MSI2: variants seen among roughly 807,000 people sequenced by gnomAD.
MSI2 encodes the protein musashi RNA binding protein 2.
A neutral mutation model predicts 45.6 loss-of-function variants in MSI2; 17 were observed. The observed-to-expected ratio is 0.37, with a 90% CI of 0.26 to 0.56. The LOEUF (loss-of-function observed/expected upper bound fraction) is 0.56, where lower values mean the gene tolerates loss of function less well. Ranked by LOEUF, MSI2 falls within the 20% of genes least tolerant of loss-of-function variation. MSI2 has a pLI of 0.77. For missense variants in MSI2, 293 were observed against 444.2 expected (o/e 0.66, Z 3.06); for synonymous variants, 156 against 158.2 (o/e 0.99, Z 0.11).
At chr17:57,349,136 C>T (rs1252401327) in intron 5 of MSI2, among the ~76,000 whole-genome samples, 2 of 152,150 alleles carry the variant, frequency 1.3e-5, no homozygotes, top group Non-Finnish European at 2.9e-5. Flanking sequence ...TCTTCTGCCT[C>T]GGGGTTGGAA....
intron 5 of MSI2, chr17:57,274,311 CTT>C (rs1341733785): frequency 5.9e-5 from 9 of 152,228 alleles, no homozygotes; most frequent in Non-Finnish European, 1.5e-5. Flanking sequence ...TGGAACCAGA[CTT>C]TGAATCCTTG....
intron 5 of MSI2, among the ~76,000 whole-genome samples, chr17:57,394,758 T>TTGG (rs2083858504): frequency 6.6e-6 from 1 of 152,208 alleles, no homozygotes; most frequent in Non-Finnish European, 1.5e-5. Flanking sequence ...CTTGCCTTGC[T>TTGG]TGGGTGGGTG....
chr17:57,663,267 G>T (rs1198906193), intron 11 of MSI2, among the ~76,000 whole-genome samples: 1 of 152,142 alleles, frequency 6.6e-6, no homozygotes, highest in Non-Finnish European at 1.5e-5. Context: ...CCGCGAGCAG[G>T]GCCTCATTTG....
chr17:57,388,524 C>T (rs565345584), intron 5 of MSI2, among the ~76,000 whole-genome samples: 3 of 152,204 alleles, frequency 2.0e-5, no homozygotes, highest in Admixed American at 2.0e-4. Context: ...CTAATCCTAG[C>T]CCGCATGCGG....
chr17:57,433,071 G>A (rs1598264165), intron 6 of MSI2, among the ~76,000 whole-genome samples: 1 of 152,160 alleles, frequency 6.6e-6, no homozygotes, highest in African/African-American at 2.4e-5. Flanking sequence ...CCCTTCCAGA[G>A]TGACAGGCAC....
At chr17:57,676,217 C>T (rs931975569) in intron 12 of MSI2, among the ~76,000 whole-genome samples, 4 of 152,234 alleles carry the variant, frequency 2.6e-5, no homozygotes, top group Admixed American at 2.6e-4. Flanking sequence ...CTCCCTCATA[C>T]ACACACTCAC....
chr17:57,388,251 C>G (rs1360598765), intron 5 of MSI2, among the ~76,000 whole-genome samples: 1 of 152,192 alleles, frequency 6.6e-6, no homozygotes, highest in Admixed American at 6.5e-5. Context: ...TCCCCCTTTT[C>G]CCTCAAAGGA....
intron 5 of MSI2, among the ~76,000 whole-genome samples, chr17:57,378,440 T>A (rs2083540239): frequency 6.6e-6 from 1 of 152,008 alleles, no homozygotes; most frequent in Non-Finnish European, 1.5e-5. Context: ...ATTTTTCTAT[T>A]TTTAGTAGAG....
In MSI2 at chr17:57,289,733, A is replaced by T. The variant is rs557412911; in HGVS notation, c.312+27541A>T. On this transcript the variant is annotated intron_variant, in intron 5 of 13. Transcript: ENST00000284073. ...TTGGTGAGAAGGAGGAGGCCGTGAA[A>T]CACTCAGTGATGCTACTTCGGCTTC... Among the ~76,000 whole-genome samples, 11 of 152,338 alleles carry T rather than the reference A, an allele frequency of 7.2e-5. No homozygotes were observed. The South Asian group carries it at 2.1e-3, about 29-fold the overall frequency.
intron 5 of MSI2, among the ~76,000 whole-genome samples, chr17:57,387,710 G>A (rs2083709465): frequency 6.6e-6 from 1 of 152,194 alleles, no homozygotes. Context: ...TATAGAGTGT[G>A]TGTCATGCCT....
intron 11 of MSI2, among the ~76,000 whole-genome samples, chr17:57,669,966 C>T (rs532458102): frequency 4.1e-4 from 62 of 152,358 alleles, no homozygotes; most frequent in Non-Finnish European, 8.4e-4. Flanking sequence ...GTCTTGAGGG[C>T]TGGCCCTGGC....
At chr17:57,528,677 C>T (rs2086755578) in intron 6 of MSI2, among the ~76,000 whole-genome samples, 1 of 152,112 alleles carries the variant, frequency 6.6e-6, no homozygotes, top group African/African-American at 2.4e-5. Flanking sequence ...CAGTCTTCTC[C>T]CTGTGTTGGC....
intron 7 of MSI2, among the ~76,000 whole-genome samples, chr17:57,583,223 A>T (rs2144377566): frequency 6.6e-6 from 1 of 152,304 alleles, no homozygotes; most frequent in South Asian, 2.1e-4. Flanking sequence ...CAGATCGCAT[A>T]ATCTATACCT....
intron 5 of MSI2, among the ~76,000 whole-genome samples, chr17:57,306,087 A>G (rs1223421079): frequency 6.6e-6 from 1 of 151,924 alleles, no homozygotes. Flanking sequence ...GCTTGGCCAT[A>G]CAGAGTAGAG....
intron 6 of MSI2, among the ~76,000 whole-genome samples, chr17:57,510,341 A>G (rs553617624): frequency 1.3e-5 from 2 of 150,588 alleles, no homozygotes; most frequent in South Asian, 4.2e-4. Flanking sequence ...TTATAACAAG[A>G]TGCTCATAAG....
intron 6 of MSI2, among the ~76,000 whole-genome samples, chr17:57,482,077 G>A (rs1254300105): frequency 2.6e-5 from 4 of 152,174 alleles, no homozygotes; most frequent in Non-Finnish European, 4.4e-5. Flanking sequence ...AATGCATTAC[G>A]TACAACCTTC....
At chr17:57,593,216 T>C (rs1407248773) in intron 7 of MSI2, among the ~76,000 whole-genome samples, 1 of 152,166 alleles carries the variant, frequency 6.6e-6, no homozygotes, top group Non-Finnish European at 1.5e-5. Flanking sequence ...GGAGGTTGCG[T>C]GCAGCCCCCC....
At chr17:57,581,911 C>T (rs777711710) in intron 7 of MSI2, among the ~76,000 whole-genome samples, 2 of 152,240 alleles carry the variant, frequency 1.3e-5, no homozygotes, top group South Asian at 4.2e-4. Flanking sequence ...AATGAAGATA[C>T]GATGCTATGA....
intron 9 of MSI2, 139 bp downstream of exon 9, chr17:57,616,223 T>C (rs1907676264): frequency 4.8e-6 from 3 of 630,510 alleles, no homozygotes; most frequent in Admixed American, 5.7e-5. Flanking sequence ...ATGAGGATGA[T>C]AATTCCCCGT....
Sources: allele counts gnomAD v4.1 joint callset (sites outside exome capture counted in the v4.1 genomes callset), GRCh38; gene constraint gnomAD v4.1.1; transcripts MANE v1.5; gene names NCBI Gene and HGNC (gene_info 2026-07-23, HGNC 2026-07-21).